CCDC141: variants seen among roughly 807,000 people sequenced by gnomAD.
CCDC141 encodes the protein coiled-coil domain-containing protein 141.
Under a neutral mutation model 181.0 loss-of-function variants are expected in CCDC141, and 168 were observed. The ratio of observed to expected loss-of-function variants is 0.93; its 90% CI spans 0.82 to 1.05. The LOEUF (loss-of-function observed/expected upper bound fraction) is 1.05, where lower values mean the gene tolerates loss of function less well. Ranked by LOEUF, CCDC141 falls within the 50% of genes least tolerant of loss-of-function variation. CCDC141 has a pLI of 0.00. For synonymous variants in CCDC141, 666 were observed against 642.3 expected (o/e 1.04, Z -0.56); for missense variants, 1,902 against 1,788.5 (o/e 1.06, Z -1.14).
At chr2:178,936,931 C>G (rs1689313608) in intron 6 of CCDC141, among the ~76,000 whole-genome samples, 1 of 151,962 alleles carries the variant, frequency 6.6e-6, no homozygotes, top group African/African-American at 2.4e-5. Context: ...CTAATTATTT[C>G]TGTACATTGA....
chr2:178,868,249 G>A, intron 15 of CCDC141, 44 bp from the exon 16 acceptor site: 1 of 1,541,030 alleles, frequency 6.5e-7, no homozygotes, highest in Non-Finnish European at 8.9e-7. Context: ...TTTATATGAA[G>A]ACAAATTTTT....
chr2:179,015,240 A>C (rs372392322), intron 2 of CCDC141, among the ~76,000 whole-genome samples: 3 of 119,500 alleles, frequency 2.5e-5, no homozygotes, highest in African/African-American at 9.4e-5. Context: ...TCATATATAT[A>C]TCTCATATAT....
chr2:178,850,225 G>T, intron 20 of CCDC141, 64 bp from the exon 21 acceptor site: 1 of 818,414 alleles, frequency 1.2e-6, no homozygotes, highest in Non-Finnish European at 2.1e-6. Flanking sequence ...AAAAGTCCAG[G>T]TATAAATTCA....
intron 19 of CCDC141, among the ~76,000 whole-genome samples, chr2:178,854,449 G>A (rs1004724673): frequency 9.2e-5 from 14 of 152,154 alleles, no homozygotes; most frequent in African/African-American, 3.4e-4. Context: ...GTGTGAACCC[G>A]GGAGGCAGAG....
At chr2:178,843,093 AG>A (rs1684795502) in intron 22 of CCDC141, among the ~76,000 whole-genome samples, 1 of 152,232 alleles carries the variant, frequency 6.6e-6, no homozygotes. Flanking sequence ...GCAGATAAAT[AG>A]GAAGAGGGGA....
intron 6 of CCDC141, among the ~76,000 whole-genome samples, chr2:178,934,182 T>A (rs1328286291): frequency 1.3e-5 from 2 of 152,078 alleles, no homozygotes; most frequent in African/African-American, 4.8e-5. Flanking sequence ...TGGCACCAAC[T>A]ACAGAGGGCC....
chr2:178,879,236 A>G (rs1686485279), intron 11 of CCDC141, among the ~76,000 whole-genome samples: 1 of 152,242 alleles, frequency 6.6e-6, no homozygotes. Flanking sequence ...GTTTGTATGC[A>G]TTTTCAATAA....
chr2:178,854,327 A>T (rs1685290574), intron 19 of CCDC141, among the ~76,000 whole-genome samples: 1 of 152,068 alleles, frequency 6.6e-6, no homozygotes, highest in Non-Finnish European at 1.5e-5. Flanking sequence ...GATCGAGACC[A>T]TCCTGGCTAA....
chr2:178,979,315 A>T (rs1337002756), intron 2 of CCDC141, among the ~76,000 whole-genome samples: 1 of 152,228 alleles, frequency 6.6e-6, no homozygotes, highest in African/African-American at 2.4e-5. Flanking sequence ...AAATAAAGGC[A>T]TAATTTTTAA....
intron 2 of CCDC141, among the ~76,000 whole-genome samples, chr2:179,023,958 AC>A (rs2042759900): frequency 6.6e-6 from 1 of 152,230 alleles, no homozygotes; most frequent in Non-Finnish European, 1.5e-5. Flanking sequence ...CATTAATGTG[AC>A]ACTGTACTGT....
At chr2:178,861,237 G>A (rs890017725) in intron 17 of CCDC141, among the ~76,000 whole-genome samples, 3 of 151,838 alleles carry the variant, frequency 2.0e-5, no homozygotes, top group Non-Finnish European at 1.5e-5. Flanking sequence ...CGTGATCACA[G>A]CTCACTGTAG....
intron 2 of CCDC141, among the ~76,000 whole-genome samples, chr2:179,036,104 C>T (rs2043137943): frequency 6.6e-6 from 1 of 152,174 alleles, no homozygotes; most frequent in African/African-American, 2.4e-5. Flanking sequence ...AAAGGCCCAT[C>T]AGCCTCTGCT....
chr2:178,958,438 C>T (rs999489718), intron 5 of CCDC141, among the ~76,000 whole-genome samples: 2 of 152,104 alleles, frequency 1.3e-5, no homozygotes, highest in Admixed American at 6.5e-5. Flanking sequence ...GTACCTTTCT[C>T]TCAATTTTGC....
chr2:178,971,320 A>G (rs988413004), intron 4 of CCDC141, among the ~76,000 whole-genome samples: 7 of 152,274 alleles, frequency 4.6e-5, no homozygotes, highest in African/African-American at 1.7e-4. Context: ...ATATGAAAAA[A>G]TGCTCGTCAT....
At chr2:178,863,521 TA>T (rs1244716392) in intron 17 of CCDC141, among the ~76,000 whole-genome samples, 1 of 152,222 alleles carries the variant, frequency 6.6e-6, no homozygotes, top group Non-Finnish European at 1.5e-5. Context: ...AATGTCTAGA[TA>T]GCAAATATTA....
In CCDC141 at chr2:179,015,093, T is replaced by TATATATAC. The variant is rs1559048645; in HGVS notation, c.225+32190_225+32191insGTATATAT. 1.9e-4 allele frequency among the ~76,000 whole-genome samples: 8 copies of TATATATAC among 42,016 alleles called. 1 individual carries two copies. The highest frequency in any genetic ancestry group is 6.0e-4 in the African/African-American group (8 of 13,250). The allele number at this position is 42,016 out of a possible 152,430, so 27.6% of individuals were successfully genotyped here. The stretch of plus-strand genomic sequence containing the variant: ...ATATATATATATATATATATATATA[T>TATATATAC]ATATATATATAATATATATATAATC... On this transcript the variant is annotated intron_variant, in intron 2 of 23. Transcript: ENST00000443758.
chr2:178,964,590 A>C (rs935603283), intron 4 of CCDC141, among the ~76,000 whole-genome samples: 1 of 152,200 alleles, frequency 6.6e-6, no homozygotes, highest in Non-Finnish European at 1.5e-5. Context: ...ATCCAGGCTG[A>C]GTCAGTCTGT....
At chr2:178,932,119 C>A (rs1218416733) in intron 6 of CCDC141, among the ~76,000 whole-genome samples, 1 of 152,160 alleles carries the variant, frequency 6.6e-6, no homozygotes, top group African/African-American at 2.4e-5. Context: ...GATTGTGCCA[C>A]TGCACTCCAG....
At chr2:178,845,789 G>T in intron 21 of CCDC141, 47 bp from the exon 22 acceptor site, 2 of 1,108,896 alleles carry the variant, frequency 1.8e-6, no homozygotes, top group East Asian at 2.4e-5. Context: ...GAAAGTTGGA[G>T]AACAGTGCCA....
Sources: gnomAD v4.1 joint callset for allele counts (sites outside exome capture counted in the v4.1 genomes callset) on GRCh38, gnomAD v4.1.1 for gene constraint, MANE v1.5 for transcripts, NCBI Gene and HGNC (gene_info 2026-07-23, HGNC 2026-07-21) for gene names.